Variants in THADA observed in about 807,000 individuals in gnomAD.
THADA encodes THADA armadillo repeat containing.
A neutral mutation model predicts 219.8 loss-of-function variants in THADA; 213 were observed. The ratio of observed to expected loss-of-function variants is 0.97; its 90% CI spans 0.87 to 1.09. The LOEUF is 1.09. Among genes scored for constraint, THADA ranks in the 50% least tolerant of loss-of-function variants. The probability of loss-of-function intolerance (pLI) is 0.00; values close to 1 mark genes in which losing one functional copy is unlikely to be tolerated. For synonymous variants in THADA, 1,018 were observed against 828.9 expected, an observed-to-expected ratio of 1.23 and a Z score of -3.92; for missense variants, 2,956 against 2,311.3, an observed-to-expected ratio of 1.28 and a Z score of -5.72.
intron 22 of THADA, among the ~76,000 whole-genome samples, chr2:43,511,002 AG>A (rs1050060643): frequency 5.3e-5 from 8 of 150,990 alleles, no homozygotes; most frequent in African/African-American, 7.3e-5. Flanking sequence ...AAAAAAAAAA[AG>A]CAAAAATTTT....
chr2:43,409,860 T>TA (rs1262235169), intron 28 of THADA, among the ~76,000 whole-genome samples: 2 of 150,466 alleles, frequency 1.3e-5, no homozygotes, highest in African/African-American at 4.9e-5. Flanking sequence ...CTACAAAAAA[T>TA]AAAAAAAATA....
At chr2:43,518,445 T>C (rs1692007203) in intron 22 of THADA, among the ~76,000 whole-genome samples, 1 of 152,156 alleles carries the variant, frequency 6.6e-6, no homozygotes, top group African/African-American at 2.4e-5. Context: ...GAATATTTCC[T>C]ACTGAAATCC....
intron 24 of THADA, among the ~76,000 whole-genome samples, chr2:43,500,985 T>C (rs1688878752): frequency 6.6e-6 from 1 of 151,866 alleles, no homozygotes; most frequent in Admixed American, 6.6e-5. Flanking sequence ...AAAAAGACAT[T>C]AGAAATAAAT....
intron 25 of THADA, among the ~76,000 whole-genome samples, chr2:43,497,498 G>C (rs1688409783): frequency 6.6e-6 from 1 of 152,146 alleles, no homozygotes; most frequent in Admixed American, 6.5e-5. Flanking sequence ...AGAACACATA[G>C]ACACAGAAAG....
intron 26 of THADA, among the ~76,000 whole-genome samples, chr2:43,439,985 T>C (rs965906919): frequency 6.6e-6 from 1 of 152,240 alleles, no homozygotes; most frequent in African/African-American, 2.4e-5. Context: ...TTGAACATTT[T>C]ATCCAAAATA....
At chr2:43,528,530 G>C (rs1290779882) in intron 21 of THADA, among the ~76,000 whole-genome samples, 1 of 152,150 alleles carries the variant, frequency 6.6e-6, no homozygotes. Flanking sequence ...GAAAACTGAG[G>C]CCAAGAAAGG....
At chr2:43,317,651 C>T (rs891780305) in intron 31 of THADA, among the ~76,000 whole-genome samples, 4 of 152,170 alleles carry the variant, frequency 2.6e-5, no homozygotes, top group African/African-American at 7.2e-5. Flanking sequence ...TCTTAATTGC[C>T]ATTTTATTTG....
intron 21 of THADA, among the ~76,000 whole-genome samples, chr2:43,539,634 G>A (rs1695047059): frequency 6.6e-6 from 1 of 152,076 alleles, no homozygotes; most frequent in African/African-American, 2.4e-5. Flanking sequence ...TTCTTCTCAC[G>A]CCTATGTATG....
At chr2:43,578,646 T>G in intron 8 of THADA, 39 bp from the exon 9 acceptor site, 1 of 1,452,518 alleles carries the variant, frequency 6.9e-7, no homozygotes, top group Non-Finnish European at 9.5e-7. Context: ...TGTTAAATAA[T>G]GAATATTCTG....
At chr2:43,581,004 T>C in intron 8 of THADA, among the ~76,000 whole-genome samples, 1 of 152,172 alleles carries the variant, frequency 6.6e-6, no homozygotes, top group East Asian at 1.9e-4. Context: ...CATTAGCATG[T>C]TTTTAATTAA....
rs552600900 is a variant in THADA, at chr2:43,586,498, A to C, written c.485-49T>G. 114 of 1,449,886 alleles carry C rather than the reference A, an allele frequency of 7.9e-5. 1 individual carries two copies. In the South Asian group the frequency reaches 1.4e-3, roughly 18 times the overall value. 89.8% of individuals were successfully genotyped at this position (1,449,886 alleles called of 1,614,324 possible). A position where few individuals can be genotyped will look rare whatever the true frequency, so the allele number is the denominator to read the frequency against. The stretch of plus-strand genomic sequence containing the variant: ...ATAAGAATTTAAAACTGTGAAGCTC[A>C]ATTTCAATAAAATAAAATATTTTAT... On this transcript the variant is annotated intron_variant, in intron 6 of 37. Transcript: ENST00000405975.
chr2:43,448,400 G>A (rs912022119), intron 26 of THADA, among the ~76,000 whole-genome samples: 2 of 152,078 alleles, frequency 1.3e-5, no homozygotes, highest in Non-Finnish European at 2.9e-5. Flanking sequence ...AAAAATCTGG[G>A]GATCTGTGCT....
At chr2:43,349,521 A>C (rs1352959796) in intron 29 of THADA, among the ~76,000 whole-genome samples, 1 of 152,214 alleles carries the variant, frequency 6.6e-6, no homozygotes, top group African/African-American at 2.4e-5. Flanking sequence ...AGACAAGATC[A>C]AGATGATATA....
At chr2:43,424,575 G>A (rs1678174339) in intron 28 of THADA, among the ~76,000 whole-genome samples, 1 of 152,186 alleles carries the variant, frequency 6.6e-6, no homozygotes, top group Non-Finnish European at 1.5e-5. Flanking sequence ...TTTATGATCA[G>A]CCTTCCACTT....
chr2:43,249,131 T>G (rs1336339735), intron 36 of THADA, among the ~76,000 whole-genome samples: 2 of 152,058 alleles, frequency 1.3e-5, no homozygotes, highest in Admixed American at 6.6e-5. Context: ...TTGCCCAGGC[T>G]GGGTGGAGTG....
chr2:43,527,894 G>C lies in THADA; in HGVS notation c.3359C>G (p.Thr1120Ser). Residue 1120 changes from threonine to serine, a missense_variant, in exon 22 of 38, where the codon ACT (threonine) becomes AGT (serine). Physicochemically the swap from Thr to Ser is moderately conservative, Grantham distance 58. Transcript: ENST00000405975. ...TTTGTTTTACCTGTTTAGTACTTCAGTGAGTTTCACAAAACCAGTATAAGC... is the reference window on the plus strand; with the variant it reads ...TTTGTTTTACCTGTTTAGTACTTCACTGAGTTTCACAAAACCAGTATAAGC... Reference protein sequence around the residue: ...ELAYTGFVKLTEVLNRCPNVS... With the variant: ...ELAYTGFVKLSEVLNRCPNVS... 3 of 1,611,470 alleles carry C rather than the reference G, an allele frequency of 1.9e-6. No homozygotes were observed. The highest frequency in any genetic ancestry group is 2.5e-6 in the Non-Finnish European group (3 of 1,178,120).
intron 28 of THADA, among the ~76,000 whole-genome samples, chr2:43,426,208 G>A (rs574171871): frequency 6.6e-6 from 1 of 152,210 alleles, no homozygotes; most frequent in African/African-American, 2.4e-5. Flanking sequence ...TCAGCATTCT[G>A]ATTATATGTA....
intron 28 of THADA, among the ~76,000 whole-genome samples, chr2:43,407,256 A>G (rs1232658916): frequency 1.3e-5 from 2 of 152,210 alleles, no homozygotes; most frequent in Non-Finnish European, 2.9e-5. Flanking sequence ...TCATTTTAAG[A>G]CACTACACAA....
intron 26 of THADA, among the ~76,000 whole-genome samples, chr2:43,431,462 A>C (rs919102554): frequency 6.6e-6 from 1 of 151,876 alleles, no homozygotes; most frequent in Non-Finnish European, 1.5e-5. Context: ...GTAATAATAC[A>C]TTTTTGTTTG....
Sources: allele counts gnomAD v4.1 joint callset (sites outside exome capture counted in the v4.1 genomes callset), GRCh38; gene constraint gnomAD v4.1.1; transcripts MANE v1.5; gene names NCBI Gene and HGNC (gene_info 2026-07-23, HGNC 2026-07-21).